Variants in LDLRAD3 observed in about 807,000 individuals in gnomAD.
The protein encoded by LDLRAD3 is low density lipoprotein receptor class A domain containing 3.
A neutral mutation model predicts 29.4 loss-of-function variants in LDLRAD3; 20 were observed. The ratio of observed to expected loss-of-function variants is 0.68; its 90% CI spans 0.48 to 0.99. The LOEUF (loss-of-function observed/expected upper bound fraction) is 0.99, where lower values mean the gene tolerates loss of function less well. LDLRAD3 is among the 50% of genes least tolerant of loss of function. LDLRAD3 has a pLI of 0.00. For synonymous variants in LDLRAD3, 157 were observed against 192.7 expected, an observed-to-expected ratio of 0.81 and a Z score of 1.53; for missense variants, 420 against 454.3, an observed-to-expected ratio of 0.92 and a Z score of 0.69.
chr11:36,130,106 T>C (rs973081104), intron 4 of LDLRAD3, among the ~76,000 whole-genome samples: 1 of 152,198 alleles, frequency 6.6e-6, no homozygotes, highest in African/African-American at 2.4e-5. Context: ...ACCCTATGCT[T>C]ACAGTTCACT....
At chr11:36,165,158 C>CT (rs201968240) in intron 4 of LDLRAD3, among the ~76,000 whole-genome samples, 4,557 of 152,216 alleles carry the variant, frequency 0.03, 99 homozygotes, top group Middle Eastern at 0.058. Context: ...TTACATCCTA[C>CT]TTTTTTTCCC....
At chr11:35,981,575 G>A (rs1222635828) in intron 1 of LDLRAD3, among the ~76,000 whole-genome samples, 1 of 152,138 alleles carries the variant, frequency 6.6e-6, no homozygotes, top group Non-Finnish European at 1.5e-5. Context: ...ATTTTTTTAG[G>A]AGTACACTTC....
intron 1 of LDLRAD3, among the ~76,000 whole-genome samples, chr11:35,948,370 T>C (rs950639690): frequency 2.6e-5 from 4 of 152,092 alleles, no homozygotes; most frequent in African/African-American, 4.8e-5. Context: ...ATTCTAACCA[T>C]GCAGTTTTGT....
chr11:36,170,323 TATATATGTACGTATATACGTATATATA>T (rs1590328159), intron 4 of LDLRAD3, among the ~76,000 whole-genome samples: 2 of 148,004 alleles, frequency 1.4e-5, no homozygotes, highest in South Asian at 4.2e-4. Context: ...CGTATATATG[TATATATGTACGTATATACGTATATATA>T]CATATATATA....
chr11:36,074,153 A>C (rs2133249247), intron 2 of LDLRAD3, among the ~76,000 whole-genome samples: 1 of 152,382 alleles, frequency 6.6e-6, no homozygotes, highest in East Asian at 1.9e-4. Flanking sequence ...TTTATGAGGC[A>C]CATGGTGTAG....
At chr11:36,196,963 G>A (rs1855043073) in intron 4 of LDLRAD3, 1 of 152,110 alleles carries the variant, frequency 6.6e-6, no homozygotes, top group Admixed American at 6.5e-5. Context: ...ACTTTCATTG[G>A]TCATTTAAAA....
At chr11:35,958,656 C>G (rs1458564577) in intron 1 of LDLRAD3, among the ~76,000 whole-genome samples, 2 of 152,060 alleles carry the variant, frequency 1.3e-5, no homozygotes, top group African/African-American at 4.8e-5. Flanking sequence ...CTGTTGTTGC[C>G]CAGCCTTGGA....
intron 1 of LDLRAD3, among the ~76,000 whole-genome samples, chr11:36,022,755 T>C (rs950535614): frequency 8.5e-5 from 13 of 152,236 alleles, no homozygotes; most frequent in African/African-American, 3.1e-4. Context: ...GGTCATAAGC[T>C]ACCTTTTCAT....
intron 4 of LDLRAD3, among the ~76,000 whole-genome samples, chr11:36,154,963 G>A (rs770007419): frequency 4.6e-5 from 7 of 152,024 alleles, no homozygotes; most frequent in Non-Finnish European, 8.8e-5. Flanking sequence ...CTCTTTCCTT[G>A]GGCAGCTCCT....
intron 4 of LDLRAD3, among the ~76,000 whole-genome samples, chr11:36,142,660 G>C (rs768775172): frequency 6.6e-6 from 1 of 152,000 alleles, no homozygotes; most frequent in African/African-American, 2.4e-5. Context: ...TGGTGCACCC[G>C]GTGCAGCCGG....
At chr11:35,959,240 T>G (rs1275113769) in intron 1 of LDLRAD3, among the ~76,000 whole-genome samples, 2 of 152,198 alleles carry the variant, frequency 1.3e-5, no homozygotes, top group Non-Finnish European at 2.9e-5. Context: ...TGCAGACAGT[T>G]TATCAGAGAA....
intron 4 of LDLRAD3, among the ~76,000 whole-genome samples, chr11:36,124,863 G>T (rs1336705782): frequency 1.3e-5 from 2 of 151,760 alleles, no homozygotes; most frequent in Admixed American, 6.6e-5. Context: ...AGCTAATTTT[G>T]GTATTTTTAG....
chr11:36,084,501 T>G (rs757750699), intron 3 of LDLRAD3, among the ~76,000 whole-genome samples: 9 of 152,148 alleles, frequency 5.9e-5, no homozygotes, highest in Admixed American at 5.9e-4. Context: ...GAAAAAATAG[T>G]GATTCTAGCT....
intron 2 of LDLRAD3, among the ~76,000 whole-genome samples, chr11:36,042,876 A>C (rs114782392): frequency 3.3e-5 from 5 of 152,196 alleles, no homozygotes; most frequent in Non-Finnish European, 5.9e-5. Context: ...AACCCTGCTA[A>C]CACCTTGATT....
rs60585852 is a variant in LDLRAD3, at chr11:36,017,535, CT to C, written c.47-18551del. ...TACTGATTAAGCCATATTTTATCAT[CT>C]TTTTTTTTTTTTTTTTGAGTCTCGC... On this transcript the variant is annotated intron_variant, in intron 1 of 5. Coordinates refer to ENST00000315571, the MANE Select transcript of LDLRAD3 (RefSeq NM_174902.4). Among the ~76,000 whole-genome samples the C allele has an allele frequency of 6.1e-3, 791 of 129,570 alleles. 3 individuals are homozygous for C. Among genetic ancestry groups the C allele is most frequent in the African/African-American group, 7.0e-3 (256 of 36,618 alleles). The allele number at this position is 129,570 out of a possible 152,430, so 85.0% of individuals were successfully genotyped here.
rs566029625 is a variant in LDLRAD3, at chr11:35,968,040, C to T, written c.46+23896C>T. On this transcript the variant is annotated intron_variant, in intron 1 of 5. Transcript: ENST00000315571. The stretch of plus-strand genomic sequence containing the variant: ...GCACTTGTAGACTGTACCAAATTCA[C>T]CAACCCCAATTTTTTCTACCTCCGA... 1.9e-4 allele frequency: 90 copies of T among 463,304 alleles called. 1 individual carries two copies. The Admixed American group carries it at 2.1e-3, about 11-fold the overall frequency. 28.7% of individuals were successfully genotyped at this position (463,304 alleles called of 1,614,324 possible). A position where few individuals can be genotyped will look rare whatever the true frequency, so the allele number is the denominator to read the frequency against.
chr11:36,097,889 T>C (rs888345855), intron 3 of LDLRAD3, among the ~76,000 whole-genome samples: 10 of 152,022 alleles, frequency 6.6e-5, no homozygotes, highest in Non-Finnish European at 5.9e-5. Flanking sequence ...TAGGATAGTT[T>C]AAAAAGAGAC....
At chr11:36,094,828 T>C (rs1481115315) in intron 3 of LDLRAD3, among the ~76,000 whole-genome samples, 1 of 152,224 alleles carries the variant, frequency 6.6e-6, no homozygotes, top group Non-Finnish European at 1.5e-5. Context: ...TGAGTCACCA[T>C]GTCTGGCCCA....
At chr11:36,081,249 T>C (rs184399477) in intron 2 of LDLRAD3, among the ~76,000 whole-genome samples, 1 of 152,322 alleles carries the variant, frequency 6.6e-6, no homozygotes, top group East Asian at 1.9e-4. Flanking sequence ...CTCAGCACAC[T>C]TCCTAGTATG....
Sources: allele counts gnomAD v4.1 joint callset (sites outside exome capture counted in the v4.1 genomes callset), GRCh38; gene constraint gnomAD v4.1.1; transcripts MANE v1.5; gene names NCBI Gene and HGNC (gene_info 2026-07-23, HGNC 2026-07-21).